Variants in LOXL2 observed in about 807,000 individuals in gnomAD.
LOXL2 encodes the protein lysyl oxidase homolog 2.
Under a neutral mutation model 93.0 loss-of-function variants are expected in LOXL2, and 70 were observed. The ratio of observed to expected loss-of-function variants is 0.75; its 90% CI spans 0.62 to 0.92. LOXL2 has a LOEUF of 0.92. Among genes scored for constraint, LOXL2 ranks in the 40% least tolerant of loss-of-function variants. The pLI is 0.00. For missense variants in LOXL2, 973 were observed against 1,054.9 expected, an observed-to-expected ratio of 0.92 and a Z score of 1.08; for synonymous variants, 438 against 413.2, an observed-to-expected ratio of 1.06 and a Z score of -0.73.
At chr8:23,370,186 A>G (rs4872116) in intron 1 of LOXL2, among the ~76,000 whole-genome samples, 94,020 of 151,822 alleles carry the variant, frequency 0.62, 30,431 homozygotes, top group African/African-American at 0.8. Flanking sequence ...CATGGCACAC[A>G]TCCCATCATA....
chr8:23,307,797 C>A (rs904225418), intron 10 of LOXL2, among the ~76,000 whole-genome samples: 1 of 151,990 alleles, frequency 6.6e-6, no homozygotes, highest in Non-Finnish European at 1.5e-5. Flanking sequence ...TCTATAAAGA[C>A]CACACCTTCT....
chr8:23,363,484 T>C (rs1282377111), intron 2 of LOXL2: 1 of 152,130 alleles, frequency 6.6e-6, no homozygotes, highest in East Asian at 1.9e-4. Flanking sequence ...AACAAACCAA[T>C]GTTTGTCTTG....
At chr8:23,383,997 C>T (rs914905254) in intron 1 of LOXL2, among the ~76,000 whole-genome samples, 6 of 152,152 alleles carry the variant, frequency 3.9e-5, no homozygotes, top group African/African-American at 1.4e-4. Context: ...ACCTATTGTG[C>T]AAGGCTAGAA....
chr8:23,325,936 T>C (rs1258577495), intron 6 of LOXL2, among the ~76,000 whole-genome samples: 1 of 152,184 alleles, frequency 6.6e-6, no homozygotes, highest in Non-Finnish European at 1.5e-5. Flanking sequence ...AGCCACCTTG[T>C]TTCACAGTGA....
chr8:23,387,498 C>G (rs1251701882), intron 1 of LOXL2, among the ~76,000 whole-genome samples: 4 of 152,210 alleles, frequency 2.6e-5, no homozygotes, highest in African/African-American at 9.7e-5. Flanking sequence ...GCTCTGCCAC[C>G]TCTTTACTGA....
intron 5 of LOXL2, among the ~76,000 whole-genome samples, chr8:23,330,332 TCAAAACAAAA>T (rs5890099): frequency 1.4e-3 from 204 of 150,204 alleles, no homozygotes; most frequent in Non-Finnish European, 1.8e-3. Flanking sequence ...AGACTCCGTC[TCAAAACAAAA>T]CAAAACAAAA....
rs551532694 is a variant in LOXL2 at position 23,383,785 on chromosome 8, C to T, written c.-83-15351G>A. Among the ~76,000 whole-genome samples, 123 of 151,202 alleles carry T rather than the reference C, an allele frequency of 8.1e-4. 1 individual carries two copies. The highest frequency in any genetic ancestry group is 2.7e-3 in the African/African-American group (110 of 41,140). ...ACGCCATTCTCCTGCCTCAGCCTCC[C>T]GAGTAGCTGGGACTACAGGCGCCCG... On this transcript the variant is annotated intron_variant, in intron 1 of 13. Coordinates refer to ENST00000389131, the MANE Select transcript of LOXL2 (RefSeq NM_002318.3).
Position 23,300,434 on chromosome 8 carries a change from G to A in LOXL2, c.2134-1487C>T, listed in dbSNP as rs573259962. On this transcript the variant is annotated intron_variant, in intron 12 of 13. Transcript: ENST00000389131. ...CTCTGAGCTCTGCACAGGTCCCTCT[G>A]CGTGGACGGTCACTTCCTCCTCGCC... is the stretch of plus-strand genomic sequence containing the variant. 2.6e-5 allele frequency among the ~76,000 whole-genome samples: 4 copies of A among 152,328 alleles called. No individual in the cohort carries two copies. The East Asian group carries it at 7.7e-4, about 29-fold the overall frequency.
chr8:23,316,788 G>A lies in LOXL2; in HGVS notation c.1636+161C>T, dbSNP rs1803407932. 4.5e-6 allele frequency: 3 copies of A among 662,846 alleles called. No individual in the cohort carries two copies. The East Asian group carries it at 8.7e-5, about 19-fold the overall frequency. 41.1% of individuals were successfully genotyped at this position (662,846 alleles called of 1,614,324 possible). ...ATAGACAGCGATCTGTGGTTGGGGTGGCGGTCATCTCTCTTGCCCCCAGTT... is the reference window on the plus strand; with the variant it reads ...ATAGACAGCGATCTGTGGTTGGGGTAGCGGTCATCTCTCTTGCCCCCAGTT... On this transcript the variant is annotated intron_variant, in intron 9 of 13. Coordinates refer to ENST00000389131, the MANE Select transcript of LOXL2 (RefSeq NM_002318.3).
At chr8:23,345,986 T>A (rs1803965489) in intron 3 of LOXL2, among the ~76,000 whole-genome samples, 1 of 151,886 alleles carries the variant, frequency 6.6e-6, no homozygotes, top group African/African-American at 2.4e-5. Flanking sequence ...GATAATGGTG[T>A]GAACCTGGGA....
chr8:23,352,371 G>A (rs1299587267), intron 3 of LOXL2, among the ~76,000 whole-genome samples: 1 of 152,150 alleles, frequency 6.6e-6, no homozygotes, highest in African/African-American at 2.4e-5. Flanking sequence ...TTTAGGCATG[G>A]GGGGACCACT....
intron 1 of LOXL2, chr8:23,385,838 C>G (rs1585381950): frequency 1.8e-6 from 1 of 569,410 alleles, no homozygotes. Flanking sequence ...GGAATCAATA[C>G]AAAAATTATT....
chr8:23,374,667 T>C (rs143239426), intron 1 of LOXL2, among the ~76,000 whole-genome samples: 68,412 of 152,024 alleles, frequency 0.45, 15,684 homozygotes, highest in East Asian at 0.65. Context: ...TGGTATCTCA[T>C]TGTGGTTTTG....
intron 1 of LOXL2, among the ~76,000 whole-genome samples, chr8:23,394,775 A>T (rs905909838): frequency 6.9e-6 from 1 of 145,202 alleles, no homozygotes; most frequent in Admixed American, 6.8e-5. Context: ...AAATTGAAAC[A>T]CATTGAAACA....
intron 11 of LOXL2, 115 bp from the exon 12 acceptor site, chr8:23,302,278 C>T: frequency 3.2e-6 from 4 of 1,254,022 alleles, no homozygotes; most frequent in Non-Finnish European, 4.6e-6. Context: ...CATCCCACCC[C>T]ACTGTGTGGG....
At chr8:23,372,221 CTTT>C (rs71210611) in intron 1 of LOXL2, among the ~76,000 whole-genome samples, 1 of 145,318 alleles carries the variant, frequency 6.9e-6, no homozygotes. Flanking sequence ...ATTTCTTTTT[CTTT>C]TTTTTTTTTG....
At chr8:23,401,377 AGAT>A (rs1229459571) in intron 1 of LOXL2, among the ~76,000 whole-genome samples, 1 of 152,230 alleles carries the variant, frequency 6.6e-6, no homozygotes, top group Non-Finnish European at 1.5e-5. Context: ...ATTTGGCATT[AGAT>A]GATACCAAAT....
chr8:23,303,619 G>A (rs775537450), intron 10 of LOXL2, among the ~76,000 whole-genome samples: 7 of 152,160 alleles, frequency 4.6e-5, no homozygotes, highest in South Asian at 2.1e-4. Context: ...CTAAGCCTCC[G>A]TCCTCTCCTC....
chr8:23,322,944 A>C (rs900035148), intron 6 of LOXL2, among the ~76,000 whole-genome samples: 10 of 152,176 alleles, frequency 6.6e-5, no homozygotes, highest in Non-Finnish European at 2.9e-5. Context: ...GTGATATGAC[A>C]TGGTCAGTAA....
Sources: gnomAD v4.1 joint callset for allele counts (sites outside exome capture counted in the v4.1 genomes callset) on GRCh38, gnomAD v4.1.1 for gene constraint, MANE v1.5 for transcripts, NCBI Gene and HGNC (gene_info 2026-07-23, HGNC 2026-07-21) for gene names.